The following XIRP2 variants were observed in gnomAD, a reference collection of about 807,000 sequenced individuals.
XIRP2 encodes the protein xin actin-binding repeat-containing protein 2.
XIRP2 carries 236 observed loss-of-function variants against 277.0 expected under a neutral mutation model. That is an observed-to-expected ratio of 0.85 (90% CI 0.77 to 0.95). The LOEUF is 0.95. XIRP2 is among the 40% of genes least tolerant of loss of function. The pLI is 0.00. For missense variants in XIRP2, 4,640 were observed against 4,157.5 expected, an observed-to-expected ratio of 1.12 and a Z score of -3.19; for synonymous variants, 1,490 against 1,416.5, an observed-to-expected ratio of 1.05 and a Z score of -1.17.
chr2:167,217,046 C>A (rs1227670642), intron 4 of XIRP2, among the ~76,000 whole-genome samples: 1 of 144,806 alleles, frequency 6.9e-6, no homozygotes, highest in Non-Finnish European at 1.5e-5. Context: ...AAAAACCGAA[C>A]ACCGCATATT....
intron 2 of XIRP2, among the ~76,000 whole-genome samples, chr2:167,072,241 G>A (rs74543404): frequency 6.6e-6 from 1 of 152,070 alleles, no homozygotes; most frequent in African/African-American, 2.4e-5. Context: ...TTGCCTCTCT[G>A]GAAATTGTTT....
At chr2:167,111,442 C>T (rs909535430) in intron 2 of XIRP2, among the ~76,000 whole-genome samples, 2 of 151,942 alleles carry the variant, frequency 1.3e-5, no homozygotes, top group Non-Finnish European at 2.9e-5. Context: ...CCTATGGTTT[C>T]TGTTTTTAGT....
chr2:167,107,438 T>C (rs1192812537), intron 2 of XIRP2, among the ~76,000 whole-genome samples: 1 of 151,844 alleles, frequency 6.6e-6, no homozygotes. Flanking sequence ...TTGACAATTT[T>C]CTGCAGCAAA....
intron 2 of XIRP2, among the ~76,000 whole-genome samples, chr2:167,128,958 G>A (rs1485737957): frequency 6.6e-6 from 1 of 152,156 alleles, no homozygotes; most frequent in Non-Finnish European, 1.5e-5. Flanking sequence ...GATGAGTATA[G>A]AATATAATGA....
chr2:167,061,778 C>A (rs984434677), intron 2 of XIRP2, among the ~76,000 whole-genome samples: 2 of 151,724 alleles, frequency 1.3e-5, no homozygotes, highest in Non-Finnish European at 2.9e-5. Context: ...GAAGGATTGC[C>A]GGCAACCACC....
At chr2:166,969,995 C>T (rs574604283) in intron 2 of XIRP2, among the ~76,000 whole-genome samples, 1 of 151,868 alleles carries the variant, frequency 6.6e-6, no homozygotes, top group Non-Finnish European at 1.5e-5. Flanking sequence ...ATCATTTTTG[C>T]TTTTCGCTTT....
At chr2:167,183,747 G>GT (rs1001541312) in intron 3 of XIRP2, among the ~76,000 whole-genome samples, 2,258 of 145,276 alleles carry the variant, frequency 0.016, 25 homozygotes, top group African/African-American at 0.035. Context: ...TCCTTGAAAA[G>GT]TTTTTTTTTT....
At chr2:167,120,740 T>G (rs1691034204) in intron 2 of XIRP2, among the ~76,000 whole-genome samples, 1 of 152,164 alleles carries the variant, frequency 6.6e-6, no homozygotes, top group South Asian at 2.1e-4. Flanking sequence ...AATCTCAGCA[T>G]GACATAATTA....
chr2:167,074,983 C>T (rs1455723969), intron 2 of XIRP2, among the ~76,000 whole-genome samples: 2 of 152,106 alleles, frequency 1.3e-5, no homozygotes, highest in Admixed American at 1.3e-4. Flanking sequence ...TGATCTTGGA[C>T]ATTTAAAGAG....
At chr2:167,175,392 CCTCTG>C (rs1454780480) in intron 3 of XIRP2, among the ~76,000 whole-genome samples, 1 of 152,106 alleles carries the variant, frequency 6.6e-6, no homozygotes, top group Non-Finnish European at 1.5e-5. Context: ...CAGTCAGGCC[CCTCTG>C]CTGCAGGTGT....
intron 2 of XIRP2, among the ~76,000 whole-genome samples, chr2:166,915,933 T>C (rs1302981427): frequency 6.6e-6 from 1 of 152,188 alleles, no homozygotes; most frequent in African/African-American, 2.4e-5. Flanking sequence ...ACCATCACCA[T>C]ATACAAGTTG....
chr2:167,164,540 A>C (rs1178022286), intron 3 of XIRP2, among the ~76,000 whole-genome samples: 4 of 151,922 alleles, frequency 2.6e-5, no homozygotes, highest in Non-Finnish European at 5.9e-5. Context: ...ATTATGATCA[A>C]TTTGAGGAGA....
chr2:167,258,462 A>G lies in XIRP2; in HGVS notation c.*645A>G. ...AAGAAGGAAGGAAGGAAGAATGTGC[A>G]AGATAGGCCGAGTGAAGCTGAAGAC... is the stretch of plus-strand genomic sequence containing the variant. On this transcript the variant is annotated 3_prime_UTR_variant, in exon 11 of 11. Coordinates refer to ENST00000409195, the MANE Select transcript of XIRP2 (RefSeq NM_152381.6). 2 of 1,613,322 alleles carry G rather than the reference A, an allele frequency of 1.2e-6. No individual in the cohort carries two copies. Among genetic ancestry groups the G allele is most frequent in the Non-Finnish European group, 1.7e-6 (2 of 1,179,680 alleles).
intron 2 of XIRP2, among the ~76,000 whole-genome samples, chr2:166,937,647 T>C (rs991340324): frequency 2.6e-5 from 4 of 152,216 alleles, no homozygotes; most frequent in Non-Finnish European, 5.9e-5. Flanking sequence ...TTTCTATTGA[T>C]TGGAATAGTT....
At chr2:166,979,383 T>TTTTTTGTTG in intron 2 of XIRP2, among the ~76,000 whole-genome samples, 1 of 148,530 alleles carries the variant, frequency 6.7e-6, no homozygotes, top group Non-Finnish European at 1.5e-5. Context: ...TTTTTTTTTT[T>TTTTTTGTTG]TTTTGCTTCA....
intron 3 of XIRP2, among the ~76,000 whole-genome samples, chr2:167,170,425 A>G (rs1391961633): frequency 6.6e-6 from 1 of 152,186 alleles, no homozygotes; most frequent in African/African-American, 2.4e-5. Context: ...CAATGAAGTC[A>G]TATACACTTG....
chr2:167,068,020 C>T (rs1344529149), intron 2 of XIRP2, among the ~76,000 whole-genome samples: 1 of 152,190 alleles, frequency 6.6e-6, no homozygotes, highest in Non-Finnish European at 1.5e-5. Context: ...GGAACTCCCC[C>T]TGAAACTCCA....
intron 2 of XIRP2, among the ~76,000 whole-genome samples, chr2:166,937,795 G>A (rs1438962785): frequency 6.6e-6 from 1 of 152,178 alleles, no homozygotes; most frequent in Non-Finnish European, 1.5e-5. Context: ...TCCATTCAGA[G>A]ATTCAACTTA....
intron 2 of XIRP2, among the ~76,000 whole-genome samples, chr2:166,982,741 C>T (rs1211944934): frequency 6.6e-6 from 1 of 152,142 alleles, no homozygotes; most frequent in Non-Finnish European, 1.5e-5. Flanking sequence ...TTTAAAAGCA[C>T]ATTTTCTTTT....
Sources: gnomAD v4.1 joint callset for allele counts (sites outside exome capture counted in the v4.1 genomes callset) on GRCh38, gnomAD v4.1.1 for gene constraint, MANE v1.5 for transcripts, NCBI Gene and HGNC (gene_info 2026-07-23, HGNC 2026-07-21) for gene names.